MYBPC2: variants seen among roughly 807,000 people sequenced by gnomAD.
MYBPC2 encodes myosin binding protein C2.
Under a neutral mutation model 137.0 loss-of-function variants are expected in MYBPC2, and 122 were observed. The ratio of observed to expected loss-of-function variants is 0.89; its 90% CI spans 0.77 to 1.03. The LOEUF (loss-of-function observed/expected upper bound fraction) is 1.03, where lower values mean the gene tolerates loss of function less well. Ranked by LOEUF, MYBPC2 falls within the 50% of genes least tolerant of loss-of-function variation. The probability of loss-of-function intolerance (pLI) is 0.00; values close to 1 mark genes in which losing one functional copy is unlikely to be tolerated. For synonymous variants in MYBPC2, 626 were observed against 612.3 expected, an observed-to-expected ratio of 1.02 and a Z score of -0.33; for missense variants, 1,500 against 1,534.4, an observed-to-expected ratio of 0.98 and a Z score of 0.37.
At chr19:50,451,477 A>G (rs1601290824) in intron 15 of MYBPC2, among the ~76,000 whole-genome samples, 168 bp downstream of exon 15, 1 of 22,036 alleles carries the variant, frequency 4.5e-5, no homozygotes, top group African/African-American at 1.8e-4. Flanking sequence ...GAAGGGAGGG[A>G]GGAGGGGCGG....
chr19:50,441,889 T>TAAAATAAAATA lies in MYBPC2; in HGVS notation c.770-289_770-288insATAAAATAAAA, dbSNP rs111771283. 3.0e-3 allele frequency among the ~76,000 whole-genome samples: 446 copies of TAAAATAAAATA among 147,184 alleles called. 1 individual carries two copies. Among genetic ancestry groups the TAAAATAAAATA allele is most frequent in the African/African-American group, 6.7e-3 (254 of 38,154 alleles). ...TAAAATAAAATAAAATAAAATAAAA[T>TAAAATAAAATA]AAATAAATAAAAATAAAGCTGTTTT... On this transcript the variant is annotated intron_variant, in intron 8 of 27. Transcript: ENST00000357701.
At chr19:50,436,212 G>A in intron 4 of MYBPC2, 52 bp downstream of exon 4, 1 of 1,542,830 alleles carries the variant, frequency 6.5e-7, no homozygotes, top group Non-Finnish European at 8.8e-7. Flanking sequence ...AGCTTGTGCA[G>A]GACATGCTCC....
intron 26 of MYBPC2, among the ~76,000 whole-genome samples, chr19:50,462,404 G>A (rs998304227): frequency 6.6e-6 from 1 of 151,910 alleles, no homozygotes; most frequent in Non-Finnish European, 1.5e-5. Context: ...GGCTGGTCTT[G>A]AACTCCTAGG....
At chr19:50,450,966 G>T in intron 14 of MYBPC2, 31 bp downstream of exon 14, 1 of 1,541,690 alleles carries the variant, frequency 6.5e-7, no homozygotes, top group Non-Finnish European at 8.8e-7. Flanking sequence ...TTCCCTGGGG[G>T]CTGTAGGATC....
chr19:50,450,991 C>G, intron 14 of MYBPC2, 56 bp downstream of exon 14: 2 of 1,480,378 alleles, frequency 1.4e-6, no homozygotes, highest in South Asian at 2.4e-5. Context: ...CTCGCAGACC[C>G]AGGGCCCGGG....
At chr19:50,454,712 C>T (rs890842997) in intron 18 of MYBPC2, among the ~76,000 whole-genome samples, 1 of 152,076 alleles carries the variant, frequency 6.6e-6, no homozygotes, top group African/African-American at 2.4e-5. Flanking sequence ...AGGTGTCAGC[C>T]ACGGCACCAG....
intron 8 of MYBPC2, among the ~76,000 whole-genome samples, 178 bp from the exon 9 acceptor site, chr19:50,442,003 C>A (rs1279806359): frequency 1.3e-5 from 2 of 152,164 alleles, no homozygotes; most frequent in African/African-American, 2.4e-5. Context: ...GGGTCCCCTG[C>A]CCTGCATCAC....
intron 8 of MYBPC2, 122 bp from the exon 9 acceptor site, chr19:50,442,058 CT>C: frequency 4.7e-6 from 6 of 1,281,416 alleles, no homozygotes; most frequent in Non-Finnish European, 6.3e-6. Flanking sequence ...AGGAGGCCCC[CT>C]GACTTCCTCA....
intron 7 of MYBPC2, among the ~76,000 whole-genome samples, chr19:50,438,889 A>G (rs1348297751): frequency 6.6e-6 from 1 of 151,990 alleles, no homozygotes; most frequent in African/African-American, 2.4e-5. Context: ...AAAAAATTAA[A>G]TATCGGCAAT....
intron 24 of MYBPC2, among the ~76,000 whole-genome samples, 198 bp downstream of exon 24, chr19:50,460,377 A>G (rs190075154): frequency 3.1e-4 from 47 of 152,300 alleles, no homozygotes; most frequent in Middle Eastern, 3.4e-3. Context: ...TAAACGTCAC[A>G]TAACGGAATT....
At chr19:50,448,083 C>T (rs1420886864) in intron 12 of MYBPC2, 142 bp from the exon 13 acceptor site, 8 of 993,116 alleles carry the variant, frequency 8.1e-6, no homozygotes, top group South Asian at 7.5e-5. Context: ...GGGAGCTTCC[C>T]GAGGCCAACG....
At chr19:50,448,137 A>G (rs2122595084) in intron 12 of MYBPC2, 88 bp from the exon 13 acceptor site, 4 of 1,461,698 alleles carry the variant, frequency 2.7e-6, no homozygotes, top group Middle Eastern at 3.6e-4. Context: ...CAGTGCCTAG[A>G]CCAGCGCCTG....
At position 50,458,973 on chromosome 19, in the gene MYBPC2, G is replaced by A. The variant is rs1489247014; in HGVS notation, c.2562G>A (p.Val854=). ...TCCGCCAGACCTACATCCGCAAAGT[G>A]GGCGAGCAGCTCAACCTTGTCGTCC... ...RHLRQTYIRK[V]GEQLNLVVPF... is the part of the protein sequence containing the mutation. Residue 854 remains valine (V), a synonymous_variant, in exon 22 of 28, where the codon GTG becomes GTA. Coordinates refer to ENST00000357701, the MANE Select transcript of MYBPC2 (RefSeq NM_004533.4). 8.7e-6 allele frequency: 14 copies of A among 1,612,746 alleles called. No individual in the cohort carries two copies. The highest frequency in any genetic ancestry group is 1.2e-5 in the Non-Finnish European group (14 of 1,179,622).
At chr19:50,444,206 GCATCCATCCATCCACT>G (rs2039781817) in intron 11 of MYBPC2, among the ~76,000 whole-genome samples, 1 of 127,074 alleles carries the variant, frequency 7.9e-6, no homozygotes, top group Admixed American at 8.1e-5. Flanking sequence ...ATCCACTCAT[GCATCCATCCATCCACT>G]CATCCATCCA....
rs1459863431 is a variant in MYBPC2 at position 50,435,298 on chromosome 19, A to G, written c.109+48A>G. 8.2e-6 allele frequency: 6 copies of G among 732,554 alleles called. 1 individual carries two copies. The South Asian group carries it at 8.8e-5, about 11-fold the overall frequency. The allele number at this position is 732,554 out of a possible 1,614,324, so 45.4% of individuals were successfully genotyped here. On this transcript the variant is annotated intron_variant, in intron 2 of 27. Transcript: ENST00000357701. This position sits in a 1 kb window ranked among gnomAD's most constrained non-coding sequence, Gnocchi z 4.8. ...TCAACCGACCTGGCTTCTCATCTCC[A>G]TCCTCCTCGCTACGCCTCTCCAGGC... is the stretch of plus-strand genomic sequence containing the variant.
rs1275668017 is a variant in MYBPC2, at chr19:50,435,788, A to T, written c.122A>T (p.Glu41Val). The change falls in exon 3 of 28, where the codon GAG becomes GTG. Residue 41 changes from glutamate to valine, a missense_variant. Glu to Val is a moderately radical substitution (Grantham distance 121, BLOSUM62 -2). Transcript: ENST00000357701. The surrounding 1 kb of genome is among the most constrained non-coding windows in gnomAD (Gnocchi z 4.8). ...GTCCCCTGAACAGAAGCCCCACCCG[A>T]GGACCAGTCCCCGACTGCAGAGGAG... ...PAEAPKEAPP[E>V]DQSPTAEEPT... The T allele has an allele frequency of 2.5e-6, 4 of 1,609,996 alleles. No homozygotes were observed.
At chr19:50,443,690 T>TCCTGTCCC (rs2039776782) in intron 10 of MYBPC2, 21 bp from the exon 11 acceptor site, 2 of 1,611,848 alleles carry the variant, frequency 1.2e-6, no homozygotes, top group Non-Finnish European at 1.7e-6. Flanking sequence ...ACGACTGACC[T>TCCTGTCCC]CCTGTCCCCC....
At chr19:50,448,031 G>A (rs909664444) in intron 12 of MYBPC2, among the ~76,000 whole-genome samples, 194 bp from the exon 13 acceptor site, 2 of 151,830 alleles carry the variant, frequency 1.3e-5, no homozygotes, top group Non-Finnish European at 2.9e-5. Context: ...AGGCCTCCTC[G>A]CTCCCTCCTC....
chr19:50,459,263 C>A lies in MYBPC2; in HGVS notation c.2748C>A (p.Ile916=), dbSNP rs1470902414. ...DSGEYELSVQ[I]ENMKDTATIR... ...GGGAGTACGAGCTGAGCGTGCAGAT[C>A]GAGAACATGAAGGACACCGCCACCA... Residue 916 remains isoleucine, a synonymous_variant, in exon 23 of 28, where the codon ATC becomes ATA. Coordinates refer to ENST00000357701, the MANE Select transcript of MYBPC2 (RefSeq NM_004533.4). The A allele has an allele frequency of 1.9e-6, 3 of 1,610,348 alleles. No homozygotes were observed. The highest frequency in any genetic ancestry group is 2.2e-5 in the South Asian group (2 of 90,940).
Sources: gnomAD v4.1 joint callset for allele counts (sites outside exome capture counted in the v4.1 genomes callset) on GRCh38, gnomAD v4.1.1 for gene constraint, Gnocchi (gnomAD v3.1) non-coding constraint, MANE v1.5 for transcripts, NCBI Gene and HGNC (gene_info 2026-07-23, HGNC 2026-07-21) for gene names.